The following TBC1D5 variants were observed in gnomAD, a reference collection of about 807,000 sequenced individuals.
TBC1D5 encodes TBC1 domain family, member 5.
In TBC1D5, 75 loss-of-function variants were observed where a neutral mutation model predicts 100.3. That is an observed-to-expected ratio of 0.75 (90% CI 0.62 to 0.91). The LOEUF (loss-of-function observed/expected upper bound fraction) is 0.91, where lower values mean the gene tolerates loss of function less well. Ranked by LOEUF, TBC1D5 falls within the 40% of genes least tolerant of loss-of-function variation. The pLI, the probability that TBC1D5 is intolerant of heterozygous loss-of-function variation, is 0.00. For missense variants in TBC1D5, 910 were observed against 942.4 expected (o/e 0.97, Z 0.45); for synonymous variants, 323 against 325.6 (o/e 0.99, Z 0.09).
chr3:17,565,074 C>G (rs966835632), intron 2 of TBC1D5, among the ~76,000 whole-genome samples: 1 of 152,088 alleles, frequency 6.6e-6, no homozygotes, highest in Non-Finnish European at 1.5e-5. Flanking sequence ...TGTCCCAGTA[C>G]TTATTACTCC....
chr3:17,509,966 C>T (rs1374880935), intron 2 of TBC1D5, among the ~76,000 whole-genome samples: 2 of 151,868 alleles, frequency 1.3e-5, no homozygotes, highest in African/African-American at 4.8e-5. Context: ...TTATATGTCC[C>T]TAAGATGCAA....
intron 1 of TBC1D5, among the ~76,000 whole-genome samples, chr3:17,723,664 C>T (rs1399150413): frequency 6.6e-6 from 1 of 152,026 alleles, no homozygotes; most frequent in Non-Finnish European, 1.5e-5. Flanking sequence ...TGGAGATTCA[C>T]AACAATTTGA....
chr3:17,726,399 C>T (rs531575416), intron 1 of TBC1D5, among the ~76,000 whole-genome samples: 36 of 152,224 alleles, frequency 2.4e-4, no homozygotes, highest in African/African-American at 6.7e-4. Flanking sequence ...TAGTAATAGC[C>T]ATTGCTGACT....
chr3:17,387,235 A>G (rs2093188362), intron 8 of TBC1D5, among the ~76,000 whole-genome samples: 1 of 152,144 alleles, frequency 6.6e-6, no homozygotes, highest in South Asian at 2.1e-4. Context: ...GAGTCTTTGG[A>G]GATTATCCAG....
chr3:17,162,735 A>AACTC (rs1324943923), intron 21 of TBC1D5, among the ~76,000 whole-genome samples: 1 of 152,212 alleles, frequency 6.6e-6, no homozygotes, highest in African/African-American at 2.4e-5. Context: ...GGAGGAAAAG[A>AACTC]ACTCAAATCT....
intron 8 of TBC1D5, among the ~76,000 whole-genome samples, chr3:17,391,715 T>C (rs2093356390): frequency 6.6e-6 from 1 of 152,042 alleles, no homozygotes; most frequent in Non-Finnish European, 1.5e-5. Flanking sequence ...CAGTGAGGGC[T>C]TAAATGAAAG....
At chr3:17,447,375 G>A (rs1201826564) in intron 3 of TBC1D5, among the ~76,000 whole-genome samples, 2 of 152,132 alleles carry the variant, frequency 1.3e-5, no homozygotes, top group Non-Finnish European at 2.9e-5. Flanking sequence ...AAACACAGGG[G>A]TTGAATATAT....
Position 17,431,697 on chromosome 3 carries a change from A to ATAGT in TBC1D5, c.98-3182_98-3179dup, listed in dbSNP as rs202031119. Among the ~76,000 whole-genome samples, 197 of 152,160 alleles carry ATAGT rather than the reference A, an allele frequency of 1.3e-3. 3 individuals are homozygous for ATAGT. Among genetic ancestry groups the ATAGT allele is most frequent in the Admixed American group, 0.01 (157 of 15,282 alleles). On this transcript the variant is annotated intron_variant, in intron 3 of 21. Coordinates refer to ENST00000253692, the Ensembl canonical transcript of TBC1D5. ...ATTGCTGATTTGCAAAAATATGCTGATAGTTACATTGGCTTAAATTATAAG... is the reference window on the plus strand; with the variant it reads ...ATTGCTGATTTGCAAAAATATGCTGATAGTTAGTTACATTGGCTTAAATTATAAG...
At chr3:17,577,830 G>A (rs2096666964) in intron 2 of TBC1D5, among the ~76,000 whole-genome samples, 1 of 151,864 alleles carries the variant, frequency 6.6e-6, no homozygotes, top group Admixed American at 6.6e-5. Context: ...TCTAAATACA[G>A]AATAAAATGC....
intron 8 of TBC1D5, among the ~76,000 whole-genome samples, chr3:17,398,957 C>T (rs1228157007): frequency 3.9e-5 from 6 of 152,010 alleles, no homozygotes. Context: ...CAAATGATTT[C>T]CAATTGCCAA....
intron 16 of TBC1D5, among the ~76,000 whole-genome samples, chr3:17,239,008 T>G (rs2076099511): frequency 6.6e-6 from 1 of 152,202 alleles, no homozygotes; most frequent in Non-Finnish European, 1.5e-5. Context: ...ATCCTCCTTC[T>G]CCACTTCCCT....
At chr3:17,448,570 G>A (rs1015856717) in intron 3 of TBC1D5, among the ~76,000 whole-genome samples, 3 of 152,196 alleles carry the variant, frequency 2.0e-5, no homozygotes, top group Non-Finnish European at 4.4e-5. Flanking sequence ...GTGTTGGCAG[G>A]CATGAAAACA....
intron 2 of TBC1D5, among the ~76,000 whole-genome samples, chr3:17,517,636 G>T (rs1211507872): frequency 1.3e-5 from 2 of 151,988 alleles, no homozygotes; most frequent in Non-Finnish European, 2.9e-5. Flanking sequence ...GATTATAAAA[G>T]CAGAGTTTGA....
intron 1 of TBC1D5, among the ~76,000 whole-genome samples, chr3:17,678,948 G>A (rs1286507337): frequency 6.6e-6 from 1 of 150,972 alleles, no homozygotes; most frequent in Non-Finnish European, 1.5e-5. Flanking sequence ...GTGAAATGAA[G>A]CCTTTAATAT....
intron 13 of TBC1D5, among the ~76,000 whole-genome samples, chr3:17,360,131 T>C (rs2091569159): frequency 6.6e-6 from 1 of 152,052 alleles, no homozygotes; most frequent in South Asian, 2.1e-4. Context: ...CTAAACCACA[T>C]AGTTTAAAGA....
At chr3:17,323,213 G>A (rs1440036995) in intron 13 of TBC1D5, among the ~76,000 whole-genome samples, 3 of 152,032 alleles carry the variant, frequency 2.0e-5, no homozygotes, top group Admixed American at 6.6e-5. Context: ...AGGAAATAAC[G>A]CCAGTTTATC....
At chr3:17,281,367 T>A (rs570070716) in intron 15 of TBC1D5, among the ~76,000 whole-genome samples, 1 of 152,308 alleles carries the variant, frequency 6.6e-6, no homozygotes, top group African/African-American at 2.4e-5. Flanking sequence ...CAAATCATAT[T>A]AAGACACTTG....
chr3:17,573,023 T>A (rs1377889054), intron 2 of TBC1D5, among the ~76,000 whole-genome samples: 1 of 152,142 alleles, frequency 6.6e-6, no homozygotes, highest in Admixed American at 6.6e-5. Context: ...TTTATGTTAG[T>A]GATTCCATGT....
intron 14 of TBC1D5, among the ~76,000 whole-genome samples, chr3:17,298,583 A>G (rs896591561): frequency 6.6e-6 from 1 of 152,200 alleles, no homozygotes; most frequent in Non-Finnish European, 1.5e-5. Context: ...GTATGGAAGG[A>G]GAAAGTGGGT....
Sources: allele counts gnomAD v4.1 joint callset (sites outside exome capture counted in the v4.1 genomes callset), GRCh38; gene constraint gnomAD v4.1.1; transcripts MANE v1.5; gene names NCBI Gene and HGNC (gene_info 2026-07-23, HGNC 2026-07-21).